Variants in CFH observed in about 807,000 individuals in gnomAD.
CFH encodes the protein H factor 1 (complement).
Under a neutral mutation model 147.3 loss-of-function variants are expected in CFH, and 53 were observed. The ratio of observed to expected loss-of-function variants is 0.36; its 90% confidence interval spans 0.29 to 0.45. The LOEUF is 0.45. Among genes scored for constraint, CFH ranks in the 20% least tolerant of loss-of-function variants. CFH has a pLI of 1.00. For synonymous variants in CFH, 536 were observed against 489.4 expected (o/e 1.10, Z -1.26); for missense variants, 1,380 against 1,498.0 (o/e 0.92, Z 1.30).
intron 17 of CFH, among the ~76,000 whole-genome samples, chr1:196,738,969 C>T (rs1342406790): frequency 6.6e-6 from 1 of 152,226 alleles, no homozygotes; most frequent in Non-Finnish European, 1.5e-5. Flanking sequence ...GTTCCCAAAC[C>T]TCAATTCTTG....
At chr1:196,684,187 C>T (rs562150206) in intron 6 of CFH, among the ~76,000 whole-genome samples, 18 of 151,978 alleles carry the variant, frequency 1.2e-4, no homozygotes, top group Admixed American at 4.6e-4. Context: ...ATACAACTTG[C>T]CCCCTTTGTG....
intron 21 of CFH, 85 bp downstream of exon 21, chr1:196,746,084 T>G (rs1652993614): frequency 6.2e-7 from 1 of 1,602,834 alleles, no homozygotes; most frequent in African/African-American, 1.3e-5. Flanking sequence ...ACTCACAGAT[T>G]ATTGAACAAC....
intron 10 of CFH, among the ~76,000 whole-genome samples, chr1:196,715,177 A>C (rs1329113134): frequency 1.3e-5 from 2 of 151,914 alleles, no homozygotes; most frequent in Non-Finnish European, 2.9e-5. Flanking sequence ...TAACATAGGA[A>C]TTTATATTTT....
intron 1 of CFH, among the ~76,000 whole-genome samples, chr1:196,656,748 C>T (rs1393875808): frequency 3.7e-5 from 5 of 135,660 alleles, no homozygotes; most frequent in Non-Finnish European, 6.2e-5. Context: ...TGGCTGAGTT[C>T]GTTTTTTGTG....
intron 9 of CFH, among the ~76,000 whole-genome samples, chr1:196,711,909 G>A (rs1668731508): frequency 6.6e-6 from 1 of 152,058 alleles, no homozygotes; most frequent in Non-Finnish European, 1.5e-5. Flanking sequence ...AGTTGCTGTG[G>A]AAATTTGTAG....
At chr1:196,660,006 T>C (rs1396870065) in intron 1 of CFH, among the ~76,000 whole-genome samples, 3 of 152,126 alleles carry the variant, frequency 2.0e-5, no homozygotes, top group Non-Finnish European at 4.4e-5. Flanking sequence ...AGTTATAGCA[T>C]TGTGAAAAAT....
intron 1 of CFH, among the ~76,000 whole-genome samples, chr1:196,663,345 G>C (rs1666970203): frequency 6.6e-6 from 1 of 152,002 alleles, no homozygotes; most frequent in Admixed American, 6.5e-5. Flanking sequence ...TTACAACTGT[G>C]TTATCTGCTA....
intron 15 of CFH, among the ~76,000 whole-genome samples, chr1:196,733,897 A>T (rs535254456): frequency 1.3e-5 from 2 of 152,184 alleles, no homozygotes; most frequent in Admixed American, 1.3e-4. Flanking sequence ...ATATATCATA[A>T]AACTTCTCGG....
At chr1:196,701,293 T>C in intron 9 of CFH, 3 of 1,613,758 alleles carry the variant, frequency 1.9e-6, no homozygotes, top group Non-Finnish European at 2.5e-6. Flanking sequence ...CTCAGGGTAA[T>C]CATCTGCTCT....
intron 11 of CFH, among the ~76,000 whole-genome samples, chr1:196,716,372 T>C (rs1036792063): frequency 6.6e-6 from 1 of 152,108 alleles, no homozygotes; most frequent in African/African-American, 2.4e-5. Flanking sequence ...GCAGAGTCTA[T>C]CCTGCTGAGG....
At chr1:196,670,021 G>C (rs1024302041) in intron 1 of CFH, among the ~76,000 whole-genome samples, 5 of 152,200 alleles carry the variant, frequency 3.3e-5, no homozygotes, top group Non-Finnish European at 7.3e-5. Context: ...AATCAAAGGG[G>C]ACTGTTTTGG....
At chr1:196,686,469 C>A (rs1241583124) in intron 7 of CFH, among the ~76,000 whole-genome samples, 1 of 151,942 alleles carries the variant, frequency 6.6e-6, no homozygotes, top group South Asian at 2.1e-4. Context: ...GCTCCTTTAC[C>A]CCTTTTTAAT....
At chr1:196,672,046 CT>C (rs1344476224) in intron 1 of CFH, among the ~76,000 whole-genome samples, 1 of 151,908 alleles carries the variant, frequency 6.6e-6, no homozygotes, top group Admixed American at 6.6e-5. Flanking sequence ...CTTATTGAGA[CT>C]TTTTTTCTAT....
intron 9 of CFH, among the ~76,000 whole-genome samples, chr1:196,692,156 A>T (rs1020248190): frequency 6.6e-6 from 1 of 152,000 alleles, no homozygotes; most frequent in South Asian, 2.1e-4. Flanking sequence ...TTGAGATAGA[A>T]TCTCACTCTG....
chr1:196,743,764 A>T (rs1652901006), intron 20 of CFH, 136 bp downstream of exon 20: 2 of 1,295,854 alleles, frequency 1.5e-6, no homozygotes, highest in Admixed American at 1.9e-5. Context: ...CTTAAAATTC[A>T]ATTCTTCCTG....
At chr1:196,718,834 A>T (rs1323433934) in intron 11 of CFH, among the ~76,000 whole-genome samples, 3 of 152,102 alleles carry the variant, frequency 2.0e-5, no homozygotes, top group African/African-American at 7.2e-5. Flanking sequence ...ACAAAGACTT[A>T]GGATCATTTG....
intron 17 of CFH, among the ~76,000 whole-genome samples, chr1:196,739,195 G>A (rs1430670940): frequency 6.6e-6 from 1 of 152,192 alleles, no homozygotes; most frequent in Non-Finnish European, 1.5e-5. Flanking sequence ...GCCTGTGATG[G>A]GTGGGGGTGT....
intron 20 of CFH, 71 bp from the exon 21 acceptor site, chr1:196,745,746 G>A (rs1398593025): frequency 2.9e-5 from 47 of 1,603,376 alleles, no homozygotes; most frequent in Non-Finnish European, 3.6e-5. Flanking sequence ...CTGTGTTTGC[G>A]TTTGCCTTAT....
chr1:196,672,948 A>T (rs1010034860), intron 1 of CFH, 30 bp from the exon 2 acceptor site: 2 of 1,574,952 alleles, frequency 1.3e-6, no homozygotes, highest in Non-Finnish European at 1.7e-6. Context: ...TAGACACTTT[A>T]TGCACTTATT....
Sources: allele counts gnomAD v4.1 joint callset (sites outside exome capture counted in the v4.1 genomes callset), GRCh38; gene constraint gnomAD v4.1.1; transcripts MANE v1.5; gene names NCBI Gene and HGNC (gene_info 2026-07-23, HGNC 2026-07-21).